IL31RA: variants seen among roughly 807,000 people sequenced by gnomAD.
IL31RA encodes the protein interleukin-31 receptor subunit alpha.
IL31RA carries 66 observed loss-of-function variants against 83.7 expected under a neutral mutation model. The observed-to-expected ratio is 0.79, with a 90% CI of 0.65 to 0.97. IL31RA has a LOEUF of 0.97. IL31RA is among the 50% of genes least tolerant of loss of function. IL31RA has a pLI of 0.00. For missense variants in IL31RA, 798 were observed against 919.4 expected (o/e 0.87, Z 1.71); for synonymous variants, 325 against 329.0 (o/e 0.99, Z 0.13).
intron 8 of IL31RA, among the ~76,000 whole-genome samples, chr5:55,904,360 C>T (rs563997665): frequency 2.0e-5 from 3 of 152,184 alleles, no homozygotes; most frequent in South Asian, 2.1e-4. Flanking sequence ...CTGGGTGGAG[C>T]GCCAACATTG....
At chr5:55,904,076 C>T (rs1432664891) in intron 8 of IL31RA, among the ~76,000 whole-genome samples, 2 of 152,174 alleles carry the variant, frequency 1.3e-5, no homozygotes, top group African/African-American at 4.8e-5. Flanking sequence ...TGTTTCCATG[C>T]CCAGATTCCT....
At chr5:55,904,356 G>A (rs1749003506) in intron 8 of IL31RA, among the ~76,000 whole-genome samples, 1 of 152,146 alleles carries the variant, frequency 6.6e-6, no homozygotes, top group Non-Finnish European at 1.5e-5. Context: ...GGGTCTGGGT[G>A]GAGCGCCAAC....
At chr5:55,908,164 A>G in intron 10 of IL31RA, 101 bp from the exon 11 acceptor site, 1 of 1,562,500 alleles carries the variant, frequency 6.4e-7, no homozygotes, top group Non-Finnish European at 8.7e-7. Context: ...CGTCGCCTCC[A>G]GCACTATGGT....
rs1468933706 is a variant in IL31RA, at chr5:55,916,659, A to G, written c.1834A>G (p.Lys612Glu). Residue 612 changes from lysine to glutamate, a missense_variant, in exon 15 of 15, where the codon AAG (lysine) becomes GAG (glutamate). Lys to Glu is a moderately conservative substitution (Grantham distance 56). Coordinates refer to ENST00000652347, the MANE Select transcript of IL31RA (RefSeq NM_139017.7). ...TCTTTTCCAGGATAAGCTAAACCTGAAGGAGTCTGATGACTCTGTGAACAC... is the reference window on the plus strand; with the variant it reads ...TCTTTTCCAGGATAAGCTAAACCTGGAGGAGTCTGATGACTCTGTGAACAC... ...GDDFKDKLNLKESDDSVNTED... is the reference protein window; with the variant it reads ...GDDFKDKLNLEESDDSVNTED... The G allele has an allele frequency of 6.8e-6, 11 of 1,613,962 alleles. No homozygotes were observed. The highest frequency in any genetic ancestry group is 9.3e-6 in the Non-Finnish European group (11 of 1,179,940).
chr5:55,911,062 C>T (rs1005014080), intron 12 of IL31RA, among the ~76,000 whole-genome samples: 10 of 152,116 alleles, frequency 6.6e-5, no homozygotes, highest in East Asian at 1.9e-4. Context: ...TCTGTTTTCA[C>T]GCTGCTGATA....
chr5:55,898,560 T>C (rs913233409), intron 7 of IL31RA, among the ~76,000 whole-genome samples: 3 of 151,160 alleles, frequency 2.0e-5, no homozygotes, highest in African/African-American at 7.3e-5. Context: ...AAAATGTTAA[T>C]ATGTTATTTT....
Position 55,896,353 on chromosome 5 carries a change from C to G in IL31RA, c.776C>G (p.Pro259Arg). Residue 259 changes from proline (P) to arginine (R), a missense_variant, in exon 7 of 15, where the codon CCA becomes CGA. Coordinates refer to ENST00000652347, the MANE Select transcript of IL31RA (RefSeq NM_139017.7). ...EKMGMTEEEA[P>R]CGLELWRVLK... is the part of the protein sequence containing the mutation. Reference sequence around the variant, plus strand: ...ACCTCATTCTTGTTCCTTACAGCTCCATGTGGCCTGGAACTGTGGAGAGTC... The same window carrying G: ...ACCTCATTCTTGTTCCTTACAGCTCGATGTGGCCTGGAACTGTGGAGAGTC... The G allele has an allele frequency of 6.2e-7, 1 of 1,611,248 alleles. No homozygotes were observed. Among genetic ancestry groups the G allele is most frequent in the Non-Finnish European group, 8.5e-7 (1 of 1,177,420 alleles).
At chr5:55,842,779 A>T in the IL31RA span, among the ~76,000 whole-genome samples, 1 of 152,206 alleles carries the variant, frequency 6.6e-6, no homozygotes, top group East Asian at 1.9e-4. Flanking sequence ...ACAGGATCCA[A>T]CTTTGAGTTA....
rs1004671123 is a variant in IL31RA, at chr5:55,917,201, G to A, written c.*81G>A. The A allele has an allele frequency of 1.1e-5, 18 of 1,604,736 alleles. No individual in the cohort carries two copies. Among genetic ancestry groups the A allele is most frequent in the East Asian group, 2.2e-5 (1 of 44,872 alleles). On this transcript the variant is annotated 3_prime_UTR_variant, in exon 15 of 15. Coordinates refer to ENST00000652347, the MANE Select transcript of IL31RA (RefSeq NM_139017.7). ...AAGATGTCAAGACTCGGCACGCAGC[G>A]CTTGCTTGGCCCTGCCACATCCTGC...
rs756649893 is a variant in IL31RA at position 55,907,437 on chromosome 5, T to C, written c.1331T>C (p.Ile444Thr). ...LHDKVGEPYS[I>T]QAYAKEGVPS... is the part of the protein sequence containing the mutation. ...GACAAAGTTGGCGAGCCATATTCCA[T>C]CCAGGCTTATGCCAAAGAAGGCGGT... The change falls in exon 10 of 15, where the codon ATC becomes ACC. Residue 444 changes from isoleucine to threonine, a missense_variant. Ile to Thr is a moderately conservative substitution (Grantham distance 89, BLOSUM62 -1). Transcript: ENST00000652347. The C allele has an allele frequency of 1.5e-5, 24 of 1,612,214 alleles. No homozygotes were observed. Among genetic ancestry groups the C allele is most frequent in the Non-Finnish European group, 2.0e-5 (24 of 1,178,200 alleles).
chr5:55,887,683 G>C (rs550725119), intron 5 of IL31RA, among the ~76,000 whole-genome samples: 10 of 152,042 alleles, frequency 6.6e-5, no homozygotes, highest in Admixed American at 1.3e-4. Context: ...TTAGGAGATC[G>C]AGACCATCCT....
intron 5 of IL31RA, among the ~76,000 whole-genome samples, chr5:55,887,945 G>A (rs550119826): frequency 2.0e-5 from 3 of 151,942 alleles, no homozygotes; most frequent in African/African-American, 4.8e-5. Flanking sequence ...AGCTACTGGG[G>A]AGGCTGAGGC....
intron 1 of IL31RA, among the ~76,000 whole-genome samples, chr5:55,856,892 T>G (rs557593592): frequency 6.6e-6 from 1 of 152,294 alleles, no homozygotes; most frequent in South Asian, 2.1e-4. Context: ...AGGATACAAT[T>G]AGTTGAGTAG....
rs1015564811 is a variant in IL31RA at position 55,903,729 on chromosome 5, A to T, written c.1070-2377A>T. On this transcript the variant is annotated intron_variant, in intron 8 of 14. Coordinates refer to ENST00000652347, the MANE Select transcript of IL31RA (RefSeq NM_139017.7). This position sits in a 1 kb window ranked among gnomAD's most constrained non-coding sequence, Gnocchi z 4.7. ...CAGGATTTGTGGGCAATCATTTTTT[A>T]AAAAAGTGCCTCCAGGGAGATGAGG... Among the ~76,000 whole-genome samples the T allele has an allele frequency of 2.8e-4, 43 of 152,284 alleles. No homozygotes were observed. The highest frequency in any genetic ancestry group is 1.2e-3 in the Admixed American group (18 of 15,300).
At chr5:55,873,452 A>G (rs1329667569) in intron 4 of IL31RA, among the ~76,000 whole-genome samples, 4 of 152,138 alleles carry the variant, frequency 2.6e-5, no homozygotes, top group African/African-American at 9.7e-5. Context: ...TGGTAACTCA[A>G]TGTTTAACTT....
upstream of IL31RA, among the ~76,000 whole-genome samples, chr5:55,847,978 T>G (rs1744974906): frequency 2.0e-5 from 3 of 152,250 alleles, no homozygotes; most frequent in Admixed American, 1.3e-4. Flanking sequence ...GCTTGTGGGT[T>G]TTTGGAAAGA....
chr5:55,874,558 G>A (rs556582538), intron 4 of IL31RA, among the ~76,000 whole-genome samples: 2 of 152,130 alleles, frequency 1.3e-5, no homozygotes, highest in South Asian at 4.1e-4. Context: ...TCATTAATTT[G>A]TTACAGTTTC....
intron 11 of IL31RA, 84 bp from the exon 12 acceptor site, chr5:55,910,448 C>A (rs752978380): frequency 4.7e-5 from 69 of 1,480,202 alleles, no homozygotes; most frequent in Non-Finnish European, 5.9e-5. Context: ...AGCACAGGTT[C>A]CAATGCTCTT....
chr5:55,918,544 C>T lies in IL31RA; in HGVS notation c.*1424C>T, dbSNP rs1749923580. On this transcript the variant is annotated 3_prime_UTR_variant, in exon 15 of 15. Coordinates refer to ENST00000652347, the MANE Select transcript of IL31RA (RefSeq NM_139017.7). ...TCCCCTGTCCTGCCTGGGACTGGCTCTGAGTGCCGAGGATGTTCAATGGCG... is the reference window on the plus strand; with the variant it reads ...TCCCCTGTCCTGCCTGGGACTGGCTTTGAGTGCCGAGGATGTTCAATGGCG... Among the ~76,000 whole-genome samples the T allele has an allele frequency of 6.6e-6, 1 of 152,140 alleles. No homozygotes were observed. Among genetic ancestry groups the T allele is most frequent in the Non-Finnish European group, 1.5e-5 (1 of 68,018 alleles).
Sources: gnomAD v4.1 joint callset for allele counts (sites outside exome capture counted in the v4.1 genomes callset) on GRCh38, gnomAD v4.1.1 for gene constraint, Gnocchi (gnomAD v3.1) non-coding constraint, MANE v1.5 for transcripts, NCBI Gene and HGNC (gene_info 2026-07-23, HGNC 2026-07-21) for gene names.